Variants in GAB1 observed in about 807,000 individuals in gnomAD.
GAB1 encodes the protein GRB2 associated binding protein 1.
Under a neutral mutation model 66.5 loss-of-function variants are expected in GAB1, and 19 were observed. The ratio of observed to expected loss-of-function variants is 0.29; its 90% CI spans 0.20 to 0.42. GAB1 has a LOEUF of 0.42. Among genes scored for constraint, GAB1 ranks in the 10% least tolerant of loss-of-function variants. The pLI, the probability that GAB1 is intolerant of heterozygous loss-of-function variation, is 1.00. For missense variants in GAB1, 732 were observed against 858.5 expected, an observed-to-expected ratio of 0.85 and a Z score of 1.84; for synonymous variants, 294 against 301.4, an observed-to-expected ratio of 0.98 and a Z score of 0.25.
intron 9 of GAB1, among the ~76,000 whole-genome samples, chr4:143,468,244 T>G (rs1735901995): frequency 1.4e-5 from 2 of 146,036 alleles, no homozygotes; most frequent in South Asian, 4.5e-4. Context: ...GGACGGAGTC[T>G]TGCTCTGTTG....
intron 6 of GAB1, among the ~76,000 whole-genome samples, chr4:143,442,678 TGAAA>T (rs1305300104): frequency 1.3e-5 from 2 of 152,170 alleles, no homozygotes; most frequent in African/African-American, 4.8e-5. Context: ...ATGTATTTAG[TGAAA>T]GTACTATTAT....
chr4:143,384,351 G>A (rs966199182), intron 1 of GAB1, among the ~76,000 whole-genome samples: 27 of 152,294 alleles, frequency 1.8e-4, no homozygotes, highest in African/African-American at 6.5e-4. Context: ...TTAAAAAAGT[G>A]AAATAATTTT....
intron 1 of GAB1, among the ~76,000 whole-genome samples, chr4:143,406,035 G>A (rs972957749): frequency 1.3e-5 from 2 of 151,970 alleles, no homozygotes; most frequent in Non-Finnish European, 2.9e-5. Context: ...GTATATCATC[G>A]TTTATTTACT....
In GAB1 at chr4:143,432,343, C is replaced by T. The variant is rs1337484453; in HGVS notation, c.368-1148C>T. Among the ~76,000 whole-genome samples the T allele has an allele frequency of 2.6e-5, 4 of 152,264 alleles. No homozygotes were observed. In the East Asian group the frequency reaches 5.8e-4, roughly 22 times the overall value. ...CTTACCCTTTCTCATGCCCCACATT[C>T]GGGCACCAAAAATGATGCAGAATTT... On this transcript the variant is annotated intron_variant, in intron 2 of 9. Transcript: ENST00000262994.
At chr4:143,394,932 G>T (rs1295392706) in intron 1 of GAB1, 1 of 152,110 alleles carries the variant, frequency 6.6e-6, no homozygotes, top group Non-Finnish European at 1.5e-5. Flanking sequence ...CAGTAAAGCT[G>T]CACATTGATT....
At chr4:143,381,166 A>G (rs1179692581) in intron 1 of GAB1, among the ~76,000 whole-genome samples, 2 of 152,228 alleles carry the variant, frequency 1.3e-5, no homozygotes, top group African/African-American at 4.8e-5. Flanking sequence ...TCTCCCTTGC[A>G]TTAAGCAAGT....
In GAB1 at chr4:143,348,313, C is replaced by T. The variant is rs1426660716; in HGVS notation, c.72+11053C>T. On this transcript the variant is annotated intron_variant, in intron 1 of 9. Coordinates refer to ENST00000262994, the MANE Select transcript of GAB1 (RefSeq NM_002039.4). The stretch of plus-strand genomic sequence containing the variant: ...GATCTATGGCTCTAATGGTTTAAAT[C>T]CAAAACTGCTTATATAGCCCACAGC... 2.6e-5 allele frequency among the ~76,000 whole-genome samples: 4 copies of T among 152,296 alleles called. No homozygotes were observed. In the East Asian group the frequency reaches 7.7e-4, roughly 29 times the overall value.
intron 1 of GAB1, among the ~76,000 whole-genome samples, chr4:143,378,955 G>T (rs1190498969): frequency 6.6e-6 from 1 of 152,090 alleles, no homozygotes; most frequent in Non-Finnish European, 1.5e-5. Context: ...CAGTATTTTT[G>T]ATGTCAGTGG....
chr4:143,466,101 A>G lies in GAB1; in HGVS notation c.1804-2A>G. ...GTTGATTTTGTTGTCTAATACTTTC[A>G]GAATCTCTTTGGCAGTAACAGTCTT... On this transcript the variant is annotated splice_acceptor_variant, in intron 8 of 9. Coordinates refer to ENST00000262994, the MANE Select transcript of GAB1 (RefSeq NM_002039.4). LOFTEE classifies it high-confidence loss of function. 6.2e-7 allele frequency: 1 copy of G among 1,613,432 alleles called. No homozygotes were observed. The highest frequency in any genetic ancestry group is 8.5e-7 in the Non-Finnish European group (1 of 1,179,568).
chr4:143,402,258 C>T lies in GAB1; in HGVS notation c.73-13219C>T, dbSNP rs28925876. 2.2e-4 allele frequency among the ~76,000 whole-genome samples: 34 copies of T among 152,242 alleles called. No homozygotes were observed. The East Asian group carries it at 5.4e-3, about 24-fold the overall frequency. ...ATAATCTTAGTATAACTGCCCTAGG[C>T]GATCCAGGTTGATTGAAGCATTATG... On this transcript the variant is annotated intron_variant, in intron 1 of 9. Coordinates refer to ENST00000262994, the MANE Select transcript of GAB1 (RefSeq NM_002039.4).
At chr4:143,450,420 AAAT>A (rs771579583) in intron 6 of GAB1, among the ~76,000 whole-genome samples, 1 of 152,234 alleles carries the variant, frequency 6.6e-6, no homozygotes, top group Non-Finnish European at 1.5e-5. Context: ...ATAATACAGA[AAAT>A]AAAATGTCCA....
chr4:143,434,051 G>A, intron 3 of GAB1: 1 of 1,078,816 alleles, frequency 9.3e-7, no homozygotes, highest in Non-Finnish European at 1.3e-6. Context: ...TTTATAAATG[G>A]TGATCTTGCT....
Position 143,439,858 on chromosome 4 carries a change from A to G in GAB1, c.1252A>G (p.Ser418Gly). The part of the protein sequence containing the change: ...IPRAFPSDRS[S>G]SLEGFHNHFK... ...ACGAGCATTTCCAAGTGATAGATCTAGTTCACTTGAAGGCTTCCATAACCA... is the reference window on the plus strand; with the variant it reads ...ACGAGCATTTCCAAGTGATAGATCTGGTTCACTTGAAGGCTTCCATAACCA... Residue 418 changes from serine to glycine, a missense_variant, in exon 5 of 10, where the codon AGT becomes GGT. By Grantham distance (56) the Ser-to-Gly change is moderately conservative. Transcript: ENST00000262994. The G allele has an allele frequency of 6.2e-7, 1 of 1,613,066 alleles. No individual in the cohort carries two copies. The highest frequency in any genetic ancestry group is 8.5e-7 in the Non-Finnish European group (1 of 1,179,044).
At chr4:143,355,948 A>AT (rs1315727449) in intron 1 of GAB1, among the ~76,000 whole-genome samples, 1 of 151,658 alleles carries the variant, frequency 6.6e-6, no homozygotes, top group Non-Finnish European at 1.5e-5. Context: ...AGGTGTTGAG[A>AT]TTTTTTTTGG....
intron 1 of GAB1, among the ~76,000 whole-genome samples, chr4:143,351,354 C>G (rs1729210536): frequency 6.6e-6 from 1 of 152,208 alleles, no homozygotes; most frequent in Non-Finnish European, 1.5e-5. Context: ...AGCCGCCTGA[C>G]TCTTCTCCAG....
intron 1 of GAB1, among the ~76,000 whole-genome samples, chr4:143,375,496 A>C (rs905365019): frequency 5.9e-5 from 9 of 152,206 alleles, no homozygotes; most frequent in Admixed American, 5.9e-4. Flanking sequence ...GTCAGGGATC[A>C]TTGCTGACTT....
At chr4:143,414,027 TG>T (rs769059202) in intron 1 of GAB1, among the ~76,000 whole-genome samples, 1 of 151,932 alleles carries the variant, frequency 6.6e-6, no homozygotes, top group Non-Finnish European at 1.5e-5. Flanking sequence ...TTCACCATGT[TG>T]GCCAGGCTGG....
chr4:143,455,977 G>A (rs996448358), intron 6 of GAB1, among the ~76,000 whole-genome samples: 2 of 152,168 alleles, frequency 1.3e-5, no homozygotes, highest in Admixed American at 1.3e-4. Context: ...TCTGCCTCCG[G>A]TTAAAGTGTA....
Position 143,337,166 on chromosome 4 carries a change from C to CCGGA in GAB1, c.-22_-19dup, listed in dbSNP as rs1330486041. ...GCCCGCCGCCCCTCAGCTGCCCGGC[C>CCGGA]CGGAGCCCGAGACGCGCGCACCATG... On this transcript the variant is annotated 5_prime_UTR_variant, in exon 1 of 10. Coordinates refer to ENST00000262994, the MANE Select transcript of GAB1 (RefSeq NM_002039.4). The CCGGA allele has an allele frequency of 1.9e-6, 3 of 1,562,104 alleles. No homozygotes were observed. Among genetic ancestry groups the CCGGA allele is most frequent in the Admixed American group, 1.9e-5 (1 of 51,804 alleles).
Sources: allele counts gnomAD v4.1 joint callset (sites outside exome capture counted in the v4.1 genomes callset), GRCh38; gene constraint gnomAD v4.1.1; transcripts MANE v1.5; gene names NCBI Gene and HGNC (gene_info 2026-07-23, HGNC 2026-07-21).